KIF1B: variants seen among roughly 807,000 people sequenced by gnomAD.
KIF1B encodes kinesin family member 1B, also known as kinesin-like protein KIF1B.
KIF1B carries 76 observed loss-of-function variants against 241.9 expected under a neutral mutation model. The observed-to-expected ratio is 0.31, with a 90% CI of 0.26 to 0.38. KIF1B has a LOEUF of 0.38. Ranked by LOEUF, KIF1B falls within the 10% of genes least tolerant of loss-of-function variation. The pLI is 1.00. For missense variants in KIF1B, 1,622 were observed against 2,271.4 expected, an observed-to-expected ratio of 0.71 and a Z score of 5.81; for synonymous variants, 750 against 796.7, an observed-to-expected ratio of 0.94 and a Z score of 0.99.
chr1:10,263,592 T>C (rs1409155189), intron 5 of KIF1B, among the ~76,000 whole-genome samples: 1 of 152,242 alleles, frequency 6.6e-6, no homozygotes, highest in Non-Finnish European at 1.5e-5. Context: ...CATAAATATG[T>C]AAATTCTAAG....
intron 11 of KIF1B, 87 bp from the exon 12 acceptor site, chr1:10,276,234 T>G: frequency 1.2e-5 from 11 of 885,016 alleles, no homozygotes; most frequent in Non-Finnish European, 1.9e-5. Context: ...TCTTAGGATC[T>G]GAGATTACAA....
At chr1:10,297,750 A>G (rs1434916203) in intron 22 of KIF1B, among the ~76,000 whole-genome samples, 1 of 151,454 alleles carries the variant, frequency 6.6e-6, no homozygotes, top group Non-Finnish European at 1.5e-5. Flanking sequence ...GCACAGTTGC[A>G]TGTGTTACTC....
intron 5 of KIF1B, among the ~76,000 whole-genome samples, chr1:10,267,133 C>G (rs1648510084): frequency 6.6e-6 from 1 of 152,202 alleles, no homozygotes; most frequent in East Asian, 1.9e-4. Flanking sequence ...TTTCTCCTGC[C>G]TTAGCCTCCT....
In KIF1B at chr1:10,212,917, TATATATATATATATAC is replaced by T. The variant is rs1453535429; in HGVS notation, c.-80+2041_-80+2056del. On this transcript the variant is annotated intron_variant, in intron 1 of 48. Coordinates refer to ENST00000676179, the MANE Select transcript of KIF1B (RefSeq NM_001365951.3). Reference sequence around the variant, plus strand: ...ATATATATATATATATATATATATATATATATATATATATACACACACACATTTAAAAAATTTGGAT... The same window carrying T: ...ATATATATATATATATATATATATATACACACACATTTAAAAAATTTGGAT... Among the ~76,000 whole-genome samples the T allele has an allele frequency of 6.0e-3, 731 of 122,850 alleles. 15 individuals carry two copies. The highest frequency in any genetic ancestry group is 0.024 in the African/African-American group (656 of 27,724). 80.6% of individuals were successfully genotyped at this position (122,850 alleles called of 152,430 possible).
chr1:10,272,499 AAGG>A (rs764095626), intron 9 of KIF1B, 193 bp downstream of exon 9: 2 of 664,156 alleles, frequency 3.0e-6, no homozygotes, highest in Non-Finnish European at 5.5e-6. Context: ...AAAAGATACT[AAGG>A]AGAACAAAAG....
At chr1:10,359,569 T>C (rs924907424) in intron 38 of KIF1B, among the ~76,000 whole-genome samples, 1 of 152,166 alleles carries the variant, frequency 6.6e-6, no homozygotes, top group African/African-American at 2.4e-5. Flanking sequence ...ACAAAATAGT[T>C]TGTGGGTATC....
At chr1:10,273,984 TG>T (rs1457062845) in intron 10 of KIF1B, among the ~76,000 whole-genome samples, 1 of 146,234 alleles carries the variant, frequency 6.8e-6, no homozygotes, top group Non-Finnish European at 1.5e-5. Context: ...CTGCCCAGGC[TG>T]GGGTACAGTG....
Position 10,268,208 on chromosome 1 carries a change from C to A in KIF1B, c.665C>A (p.Thr222Lys). 1 of 1,613,932 alleles carries A rather than the reference C, an allele frequency of 6.2e-7. No homozygotes were observed. Among genetic ancestry groups the A allele is most frequent in the Non-Finnish European group, 8.5e-7 (1 of 1,179,880 alleles). ...ETSSRSHAVF[T>K]IVFTQKKHDN... ...AGTAGCCGTTCCCACGCTGTGTTTA[C>A]GATTGTTTTCACCCAGAAGAAACAC... is the stretch of plus-strand genomic sequence containing the variant. The change falls in exon 7 of 49, where the codon ACG becomes AAG. Residue 222 changes from threonine (T) to lysine (K), a missense_variant. Thr to Lys is a moderately conservative substitution (Grantham distance 78). Around this residue, in one of 7 missense-constraint regions of KIF1B, gnomAD observed 201 missense variants for 301.2 expected, o/e 0.67. Transcript: ENST00000676179.
chr1:10,277,262 G>A (rs1403408682), intron 12 of KIF1B, among the ~76,000 whole-genome samples: 4 of 151,150 alleles, frequency 2.6e-5, no homozygotes, highest in Non-Finnish European at 5.9e-5. Context: ...CCCAGGCAAC[G>A]TAGTGAGACT....
chr1:10,296,737 G>C (rs2102258443), intron 20 of KIF1B, 72 bp downstream of exon 20: 1 of 1,470,042 alleles, frequency 6.8e-7, no homozygotes, highest in East Asian at 2.3e-5. Flanking sequence ...ATTTTTGGCT[G>C]TTTAAAGGCT....
intron 2 of KIF1B, among the ~76,000 whole-genome samples, chr1:10,255,417 C>T (rs1647717611): frequency 6.6e-6 from 1 of 151,936 alleles, no homozygotes; most frequent in African/African-American, 2.4e-5. Flanking sequence ...TGGTGAAACC[C>T]TGTCTCTACT....
intron 10 of KIF1B, among the ~76,000 whole-genome samples, chr1:10,273,967 C>T (rs1194476599): frequency 3.7e-5 from 5 of 133,982 alleles, no homozygotes; most frequent in African/African-American, 1.4e-4. Flanking sequence ...GACCAGGTCT[C>T]TCACTGCTGC....
rs143545411 is a variant in KIF1B at position 10,366,422 on chromosome 1, T to G, written c.4752+774T>G. Among the ~76,000 whole-genome samples the G allele has an allele frequency of 8.5e-4, 129 of 151,562 alleles. 1 individual carries two copies. The East Asian group carries it at 0.023, about 27-fold the overall frequency. ...GGAGGGAGGCAGCAGTGTCGACACC[T>G]GCGTGATCAGGAGGGAGGCAGTGGT... On this transcript the variant is annotated intron_variant, in intron 43 of 48. Coordinates refer to ENST00000676179, the MANE Select transcript of KIF1B (RefSeq NM_001365951.3).
chr1:10,299,698 A>G (rs1377177047), intron 22 of KIF1B, among the ~76,000 whole-genome samples: 1 of 152,162 alleles, frequency 6.6e-6, no homozygotes, highest in Non-Finnish European at 1.5e-5. Flanking sequence ...AATGCATCAC[A>G]TTGTTAGGGT....
chr1:10,266,419 G>A (rs1648467125), intron 5 of KIF1B, among the ~76,000 whole-genome samples: 1 of 152,164 alleles, frequency 6.6e-6, no homozygotes, highest in Non-Finnish European at 1.5e-5. Flanking sequence ...CACCATGATC[G>A]AATGGTCCTG....
chr1:10,318,469 C>T (rs1569813839), intron 22 of KIF1B, among the ~76,000 whole-genome samples: 1 of 151,552 alleles, frequency 6.6e-6, no homozygotes. Context: ...CGCCTGTAAT[C>T]CCAGCACTTT....
intron 28 of KIF1B, among the ~76,000 whole-genome samples, 174 bp from the exon 29 acceptor site, chr1:10,336,483 T>C (rs1020437954): frequency 1.3e-5 from 2 of 152,192 alleles, no homozygotes; most frequent in African/African-American, 4.8e-5. Flanking sequence ...TCATTTGAGC[T>C]GAGGAAGTTG....
rs181420528 is a variant in KIF1B at position 10,366,343 on chromosome 1, G to C, written c.4752+695G>C. ...TGTGTTTCAAATGCTATGGGAGTCAGAGGAGAAGTGTCTATGGTGGGGAGC... is the reference window on the plus strand; with the variant it reads ...TGTGTTTCAAATGCTATGGGAGTCACAGGAGAAGTGTCTATGGTGGGGAGC... On this transcript the variant is annotated intron_variant, in intron 43 of 48. Coordinates refer to ENST00000676179, the MANE Select transcript of KIF1B (RefSeq NM_001365951.3). 1.2e-3 allele frequency among the ~76,000 whole-genome samples: 180 copies of C among 152,352 alleles called. 1 individual carries two copies. The highest frequency in any genetic ancestry group is 4.2e-3 in the African/African-American group (173 of 41,586).
chr1:10,273,206 T>G (rs1648896376), intron 10 of KIF1B, among the ~76,000 whole-genome samples, 175 bp downstream of exon 10: 1 of 152,200 alleles, frequency 6.6e-6, no homozygotes. Flanking sequence ...ATCATGAGGT[T>G]TCACACCAAA....
Sources: allele counts gnomAD v4.1 joint callset (sites outside exome capture counted in the v4.1 genomes callset), GRCh38; gene constraint gnomAD v4.1.1; regional missense constraint gnomAD v4.1.1; transcripts MANE v1.5; gene names NCBI Gene and HGNC (gene_info 2026-07-23, HGNC 2026-07-21).